Variants in TMCC1 observed in about 807,000 individuals in gnomAD.
TMCC1 encodes the protein transmembrane and coiled-coil domains protein 1.
TMCC1 carries 15 observed loss-of-function variants against 52.4 expected under a neutral mutation model. That is an observed-to-expected ratio of 0.29 (90% CI 0.19 to 0.44). The LOEUF is 0.44. TMCC1 is among the 20% of genes least tolerant of loss of function. The pLI, the probability that TMCC1 is intolerant of heterozygous loss-of-function variation, is 1.00. For missense variants in TMCC1, 503 were observed against 806.0 expected, an observed-to-expected ratio of 0.62 and a Z score of 4.55; for synonymous variants, 279 against 301.9, an observed-to-expected ratio of 0.92 and a Z score of 0.79.
At chr3:129,699,698 G>GA (rs2047677062) in intron 4 of TMCC1, among the ~76,000 whole-genome samples, 1 of 152,110 alleles carries the variant, frequency 6.6e-6, no homozygotes, top group Non-Finnish European at 1.5e-5. Flanking sequence ...GTAACCAGAG[G>GA]ACTGCTTGAA....
intron 4 of TMCC1, among the ~76,000 whole-genome samples, chr3:129,731,088 C>T (rs1452406577): frequency 6.6e-6 from 1 of 152,112 alleles, no homozygotes; most frequent in Non-Finnish European, 1.5e-5. Context: ...CTCATACTAG[C>T]AAATCAAACC....
At chr3:129,658,900 T>A (rs931860219) in intron 5 of TMCC1, among the ~76,000 whole-genome samples, 1 of 152,140 alleles carries the variant, frequency 6.6e-6, no homozygotes, top group Non-Finnish European at 1.5e-5. Flanking sequence ...AATAGCTATG[T>A]CTAACAATGA....
At position 129,651,347 on chromosome 3, in the gene TMCC1, C is replaced by T. The variant is rs1460222923; in HGVS notation, c.*134G>A. 9.5e-6 allele frequency: 10 copies of T among 1,049,922 alleles called. No individual in the cohort carries two copies. In the East Asian group the frequency reaches 2.4e-4, roughly 26 times the overall value. 65.0% of individuals were successfully genotyped at this position (1,049,922 alleles called of 1,614,324 possible). On this transcript the variant is annotated 3_prime_UTR_variant, in exon 7 of 7. Transcript: ENST00000393238. This position sits in a 1 kb window ranked among gnomAD's most constrained non-coding sequence, Gnocchi z 5.1. ...CAATTGCGTCTCTTGAAGAAAAAAA[C>T]ATTATTCTAAATGTAAACAGATTCA... is the stretch of plus-strand genomic sequence containing the variant.
chr3:129,855,804 T>C (rs2060124692), intron 2 of TMCC1, among the ~76,000 whole-genome samples: 1 of 152,186 alleles, frequency 6.6e-6, no homozygotes, highest in African/African-American at 2.4e-5. Context: ...TCTTAAGTCA[T>C]AAAAATAGTA....
At chr3:129,764,002 G>A (rs2053874230) in intron 4 of TMCC1, among the ~76,000 whole-genome samples, 1 of 151,920 alleles carries the variant, frequency 6.6e-6, no homozygotes, top group African/African-American at 2.4e-5. Context: ...ATGAAGTAGA[G>A]AAATAATTCA....
At chr3:129,865,331 T>A (rs1268342513) in intron 2 of TMCC1, among the ~76,000 whole-genome samples, 6 of 151,650 alleles carry the variant, frequency 4.0e-5, no homozygotes, top group Admixed American at 6.6e-5. Context: ...TTTTTTTTTT[T>A]ATAGAGACGG....
intron 4 of TMCC1, among the ~76,000 whole-genome samples, chr3:129,720,181 C>CAA (rs765678095): frequency 0.15 from 8,876 of 58,050 alleles, 460 homozygotes; most frequent in African/African-American, 0.21. Flanking sequence ...GACCCTGTCT[C>CAA]AAAAAAAAAA....
At chr3:129,749,776 T>C (rs1344772585) in intron 4 of TMCC1, among the ~76,000 whole-genome samples, 3 of 152,344 alleles carry the variant, frequency 2.0e-5, no homozygotes, top group African/African-American at 7.2e-5. Flanking sequence ...GGCAAATCAA[T>C]GTTCCAGAAA....
chr3:129,840,326 C>CAAA (rs368685429), intron 2 of TMCC1, among the ~76,000 whole-genome samples: 58,045 of 88,200 alleles, frequency 0.66, 21,970 homozygotes, highest in Non-Finnish European at 0.78. Context: ...GAACCTGTCT[C>CAAA]AAAAAAAAAA....
intron 2 of TMCC1, among the ~76,000 whole-genome samples, chr3:129,850,696 A>G (rs920911025): frequency 1.3e-5 from 2 of 152,208 alleles, no homozygotes; most frequent in Non-Finnish European, 2.9e-5. Flanking sequence ...GAAGTGGAAA[A>G]TCAGGGGTCT....
At chr3:129,873,529 A>C (rs1018305484) in intron 2 of TMCC1, among the ~76,000 whole-genome samples, 1 of 151,902 alleles carries the variant, frequency 6.6e-6, no homozygotes, top group Admixed American at 6.6e-5. Flanking sequence ...AAATTTTTTA[A>C]ACTACCCAGG....
Position 129,827,863 on chromosome 3 carries a change from A to G in TMCC1, c.516T>C (p.Ala172=). Reference sequence around the variant, plus strand: ...CAGCAGCAGCAGCAGCAGCAGCACAAGCTATTTCCATCATAGCAGAGCTGG... The same window carrying G: ...CAGCAGCAGCAGCAGCAGCAGCACAGGCTATTTCCATCATAGCAGAGCTGG... ...APTSSAMMEI[A]CAAAAAAAAC... is the part of the protein sequence containing the mutation. Residue 172 remains alanine, a synonymous_variant, in exon 4 of 7, where the codon GCT becomes GCC. Transcript: ENST00000393238. 6.2e-7 allele frequency: 1 copy of G among 1,614,082 alleles called. No individual in the cohort carries two copies. The highest frequency in any genetic ancestry group is 1.1e-5 in the South Asian group (1 of 91,086).
chr3:129,791,088 A>ATTTTTTTTTT (rs34048545), intron 4 of TMCC1, among the ~76,000 whole-genome samples: 26 of 82,966 alleles, frequency 3.1e-4, no homozygotes, highest in African/African-American at 1.0e-3. Context: ...ACACTCCATA[A>ATTTTTTTTTT]TTTTTTTTTT....
intron 1 of TMCC1, among the ~76,000 whole-genome samples, chr3:129,880,956 C>T (rs2061431462): frequency 1.3e-5 from 2 of 151,592 alleles, no homozygotes; most frequent in African/African-American, 4.8e-5. Context: ...CTCCACCTCC[C>T]AGGTTCAAGC....
At chr3:129,760,977 T>C (rs1354139371) in intron 4 of TMCC1, among the ~76,000 whole-genome samples, 1 of 152,102 alleles carries the variant, frequency 6.6e-6, no homozygotes, top group Non-Finnish European at 1.5e-5. Context: ...TCTACGGGTT[T>C]TGATGCATGC....
chr3:129,700,091 T>G (rs2047706519), intron 4 of TMCC1, among the ~76,000 whole-genome samples: 1 of 152,138 alleles, frequency 6.6e-6, no homozygotes, highest in Non-Finnish European at 1.5e-5. Context: ...GAATCTAATT[T>G]ATGGTCGGGT....
chr3:129,858,211 C>T (rs555285338), intron 2 of TMCC1, among the ~76,000 whole-genome samples: 2 of 152,224 alleles, frequency 1.3e-5, no homozygotes, highest in South Asian at 4.1e-4. Flanking sequence ...ACATGTGTCC[C>T]TCTAAATGAA....
At chr3:129,740,007 TTTC>T (rs1306757399) in intron 4 of TMCC1, among the ~76,000 whole-genome samples, 1 of 152,252 alleles carries the variant, frequency 6.6e-6, no homozygotes, top group East Asian at 1.9e-4. Flanking sequence ...CAGCATTAGT[TTTC>T]TCTCAAATAA....
chr3:129,729,214 C>A (rs1280798193), intron 4 of TMCC1, among the ~76,000 whole-genome samples: 1 of 152,050 alleles, frequency 6.6e-6, no homozygotes, highest in Non-Finnish European at 1.5e-5. Flanking sequence ...TTGTTCTCTG[C>A]ATCCTTGTCA....
Sources: allele counts gnomAD v4.1 joint callset (sites outside exome capture counted in the v4.1 genomes callset), GRCh38; gene constraint gnomAD v4.1.1; non-coding constraint Gnocchi (gnomAD v3.1); transcripts MANE v1.5; gene names NCBI Gene and HGNC (gene_info 2026-07-23, HGNC 2026-07-21).